The following RAP1GDS1 variants were observed in gnomAD, a reference collection of about 807,000 sequenced individuals.
The protein encoded by RAP1GDS1 is RAP1, GTP-GDP dissociation stimulator 1.
In RAP1GDS1, 35 loss-of-function variants were observed where a neutral mutation model predicts 71.1. The observed-to-expected ratio is 0.49, with a 90% CI of 0.38 to 0.65. The LOEUF (loss-of-function observed/expected upper bound fraction) is 0.65. Among genes scored for constraint, RAP1GDS1 ranks in the 30% least tolerant of loss-of-function variants. The probability of loss-of-function intolerance (pLI) is 0.00; values close to 1 mark genes in which losing one functional copy is unlikely to be tolerated. For synonymous variants in RAP1GDS1, 229 were observed against 243.1 expected (o/e 0.94, Z 0.54); for missense variants, 663 against 706.1 (o/e 0.94, Z 0.69).
chr4:98,341,436 A>T (rs973659048), intron 2 of RAP1GDS1, among the ~76,000 whole-genome samples: 3 of 152,204 alleles, frequency 2.0e-5, no homozygotes, highest in Non-Finnish European at 2.9e-5. Flanking sequence ...TATGATATTA[A>T]GCCACTCTTT....
chr4:98,360,414 A>G (rs1165909851), intron 4 of RAP1GDS1, among the ~76,000 whole-genome samples: 6 of 146,244 alleles, frequency 4.1e-5, no homozygotes, highest in South Asian at 2.1e-4. Context: ...TCCTTTCCTC[A>G]TTAAGAGGAC....
intron 2 of RAP1GDS1, among the ~76,000 whole-genome samples, chr4:98,299,851 C>T (rs558340266): frequency 2.0e-5 from 3 of 151,976 alleles, no homozygotes; most frequent in African/African-American, 7.2e-5. Context: ...GAACTCCTGA[C>T]CTTGTGATCC....
chr4:98,279,259 A>T (rs1486379283), intron 1 of RAP1GDS1, among the ~76,000 whole-genome samples: 1 of 151,982 alleles, frequency 6.6e-6, no homozygotes. Flanking sequence ...AATAATAATA[A>T]TAGGGCCACT....
At position 98,327,423 on chromosome 4, in the gene RAP1GDS1, T is replaced by C. The variant is rs116682845; in HGVS notation, c.113-15716T>C. The stretch of plus-strand genomic sequence containing the variant: ...GACAGACAGTTGCTGGGCAGATGTC[T>C]TTCCAGAAGTATTTTTTGTGTAAGG... On this transcript the variant is annotated intron_variant, in intron 2 of 14. Coordinates refer to ENST00000408927, the MANE Select transcript of RAP1GDS1 (RefSeq NM_001100427.2). 5.9e-3 allele frequency among the ~76,000 whole-genome samples: 895 copies of C among 152,346 alleles called. 11 individuals carry two copies. Among genetic ancestry groups the C allele is most frequent in the African/African-American group, 0.021 (861 of 41,570 alleles).
chr4:98,294,354 GT>G (rs553481206), intron 2 of RAP1GDS1, among the ~76,000 whole-genome samples: 6 of 151,680 alleles, frequency 4.0e-5, no homozygotes, highest in Non-Finnish European at 7.4e-5. Flanking sequence ...ATTGATATAT[GT>G]TTTTTTTATT....
At chr4:98,286,886 T>TAAAAAAAAA (rs778410316) in intron 1 of RAP1GDS1, among the ~76,000 whole-genome samples, 2 of 90,148 alleles carry the variant, frequency 2.2e-5, no homozygotes, top group Non-Finnish European at 2.3e-5. Flanking sequence ...AACTCCGTCT[T>TAAAAAAAAA]AAAAAAAAAA....
intron 14 of RAP1GDS1, among the ~76,000 whole-genome samples, chr4:98,437,837 C>G (rs1751356414): frequency 6.6e-6 from 1 of 150,510 alleles, no homozygotes. Context: ...ATTGGTATAT[C>G]TTCTATGGAC....
intron 2 of RAP1GDS1, among the ~76,000 whole-genome samples, chr4:98,326,706 A>T (rs1733151734): frequency 6.6e-6 from 1 of 151,862 alleles, no homozygotes. Context: ...TCCTTTGGGG[A>T]AGTTATAAGA....
At chr4:98,355,686 A>C (rs2110429874) in intron 4 of RAP1GDS1, among the ~76,000 whole-genome samples, 1 of 152,312 alleles carries the variant, frequency 6.6e-6, no homozygotes, top group East Asian at 1.9e-4. Context: ...CAACTGTAGA[A>C]AGAATTACCA....
At chr4:98,389,675 G>A (rs1472532571) in intron 5 of RAP1GDS1, among the ~76,000 whole-genome samples, 1 of 152,090 alleles carries the variant, frequency 6.6e-6, no homozygotes, top group African/African-American at 2.4e-5. Flanking sequence ...AAATATTACT[G>A]CTTCAATTTG....
intron 14 of RAP1GDS1, chr4:98,441,355 CA>C (rs968686469): frequency 2.0e-6 from 2 of 984,520 alleles, no homozygotes; most frequent in Non-Finnish European, 2.4e-6. Context: ...AAGAAGAGGA[CA>C]AAAAATCTAA....
At chr4:98,420,610 C>G (rs981498461) in intron 11 of RAP1GDS1, among the ~76,000 whole-genome samples, 2 of 152,178 alleles carry the variant, frequency 1.3e-5, no homozygotes, top group Non-Finnish European at 2.9e-5. Context: ...GATCCACCCA[C>G]TTCAGCCTCC....
At chr4:98,392,167 T>C (rs1440909521) in intron 6 of RAP1GDS1, 87 bp downstream of exon 6, 5 of 1,235,938 alleles carry the variant, frequency 4.0e-6, no homozygotes, top group Non-Finnish European at 5.5e-6. Context: ...AAGCTAGAAA[T>C]CCATTTAGAT....
chr4:98,344,730 A>C (rs1331738284), intron 3 of RAP1GDS1, among the ~76,000 whole-genome samples: 1 of 152,236 alleles, frequency 6.6e-6, no homozygotes, highest in African/African-American at 2.4e-5. Flanking sequence ...TAAAATAAAT[A>C]GGATACATTG....
chr4:98,357,510 G>A (rs904749306), intron 4 of RAP1GDS1, among the ~76,000 whole-genome samples: 7 of 152,000 alleles, frequency 4.6e-5, no homozygotes, highest in African/African-American at 1.2e-4. Flanking sequence ...TGAAGTAGAT[G>A]TTGTTTTGTA....
At chr4:98,433,846 A>G in intron 12 of RAP1GDS1, 90 bp from the exon 13 acceptor site, 1 of 1,330,938 alleles carries the variant, frequency 7.5e-7, no homozygotes, top group Non-Finnish European at 1.0e-6. Flanking sequence ...CACTGTCGCA[A>G]AACCACTCAA....
intron 5 of RAP1GDS1, among the ~76,000 whole-genome samples, chr4:98,388,639 G>A (rs1210332191): frequency 6.6e-6 from 1 of 152,148 alleles, no homozygotes; most frequent in Admixed American, 6.5e-5. Flanking sequence ...GGCAAGAGAA[G>A]TGCTTGACCC....
At chr4:98,354,055 C>CTT (rs895411941) in intron 4 of RAP1GDS1, among the ~76,000 whole-genome samples, 30 of 134,934 alleles carry the variant, frequency 2.2e-4, no homozygotes, top group East Asian at 4.2e-4. Flanking sequence ...CAAAAGTATT[C>CTT]TTTTTTTTTT....
chr4:98,305,957 A>G (rs1479283129), intron 2 of RAP1GDS1, among the ~76,000 whole-genome samples: 1 of 152,228 alleles, frequency 6.6e-6, no homozygotes, highest in Non-Finnish European at 1.5e-5. Context: ...TGCCAGTCTC[A>G]GTATTTATAG....
Sources: gnomAD v4.1 joint callset for allele counts (sites outside exome capture counted in the v4.1 genomes callset) on GRCh38, gnomAD v4.1.1 for gene constraint, MANE v1.5 for transcripts, NCBI Gene and HGNC (gene_info 2026-07-23, HGNC 2026-07-21) for gene names.